AATF: variants seen among roughly 807,000 people sequenced by gnomAD.
AATF encodes the protein protein AATF.
AATF carries 48 observed loss-of-function variants against 63.7 expected under a neutral mutation model. The observed-to-expected ratio is 0.75, with a 90% CI of 0.60 to 0.96. The LOEUF is 0.96. Ranked by LOEUF, AATF falls within the 40% of genes least tolerant of loss-of-function variation. The probability of loss-of-function intolerance (pLI) is 0.00; values close to 1 mark genes in which losing one functional copy is unlikely to be tolerated. For synonymous variants in AATF, 258 were observed against 247.7 expected, an observed-to-expected ratio of 1.04 and a Z score of -0.39; for missense variants, 639 against 685.7, an observed-to-expected ratio of 0.93 and a Z score of 0.76.
intron 4 of AATF, among the ~76,000 whole-genome samples, chr17:36,966,174 T>G (rs921432949): frequency 6.6e-6 from 1 of 152,230 alleles, no homozygotes; most frequent in African/African-American, 2.4e-5. Context: ...GATTTTACCA[T>G]GTTTATGTTC....
At chr17:36,989,063 T>G (rs1469926395) in intron 6 of AATF, among the ~76,000 whole-genome samples, 184 bp from the exon 7 acceptor site, 1 of 151,788 alleles carries the variant, frequency 6.6e-6, no homozygotes, top group Non-Finnish European at 1.5e-5. Context: ...ATGACCTGCT[T>G]AAGACTAACT....
chr17:37,046,439 G>A (rs1011063920), intron 11 of AATF, among the ~76,000 whole-genome samples: 2 of 152,104 alleles, frequency 1.3e-5, no homozygotes, highest in African/African-American at 4.8e-5. Flanking sequence ...AGACTTCCGG[G>A]TAGGGCAGCT....
chr17:37,036,833 C>G (rs745725263), intron 11 of AATF, among the ~76,000 whole-genome samples: 5 of 152,048 alleles, frequency 3.3e-5, no homozygotes, highest in Non-Finnish European at 7.4e-5. Context: ...TATTGCATGC[C>G]TGATGAGCAT....
intron 8 of AATF, among the ~76,000 whole-genome samples, chr17:36,991,095 A>G (rs1187450842): frequency 6.6e-6 from 1 of 152,184 alleles, no homozygotes; most frequent in Non-Finnish European, 1.5e-5. Context: ...TTGAGTGTAA[A>G]TTAGCTGTAA....
At chr17:37,029,840 T>C (rs1242582600) in intron 10 of AATF, among the ~76,000 whole-genome samples, 2 of 152,100 alleles carry the variant, frequency 1.3e-5, no homozygotes, top group African/African-American at 2.4e-5. Context: ...GTGCTGGGAT[T>C]ACAGGTGTGA....
At chr17:36,959,723 C>T (rs1271489940) in intron 4 of AATF, among the ~76,000 whole-genome samples, 2 of 152,124 alleles carry the variant, frequency 1.3e-5, no homozygotes. Flanking sequence ...GCAGTGAGCA[C>T]CATGTTTCAT....
At chr17:36,973,273 G>A (rs2071053922) in intron 4 of AATF, among the ~76,000 whole-genome samples, 1 of 152,026 alleles carries the variant, frequency 6.6e-6, no homozygotes, top group Non-Finnish European at 1.5e-5. Context: ...TTTTTTAAAG[G>A]ATTTTAAAGG....
chr17:36,988,319 A>G (rs1180207328), intron 5 of AATF, among the ~76,000 whole-genome samples, 200 bp from the exon 6 acceptor site: 3 of 152,228 alleles, frequency 2.0e-5, no homozygotes, highest in Non-Finnish European at 4.4e-5. Flanking sequence ...GTCTCAAAAA[A>G]AAAAGTTACA....
At chr17:36,952,772 C>T in intron 2 of AATF, 114 bp from the exon 3 acceptor site, 1 of 1,470,270 alleles carries the variant, frequency 6.8e-7, no homozygotes, top group Non-Finnish European at 9.0e-7. Context: ...GAATTGAGTG[C>T]AGTAAGAGAT....
chr17:37,032,897 C>T (rs1053875462), intron 11 of AATF, among the ~76,000 whole-genome samples: 1 of 152,014 alleles, frequency 6.6e-6, no homozygotes, highest in Non-Finnish European at 1.5e-5. Flanking sequence ...GTAAATAATG[C>T]TATGAGAAGC....
At chr17:37,019,193 T>C in intron 9 of AATF, 121 bp downstream of exon 9, 1 of 792,438 alleles carries the variant, frequency 1.3e-6, no homozygotes, top group Non-Finnish European at 2.1e-6. Context: ...GTTAAGCAAG[T>C]AAGAGCTAGA....
At chr17:36,998,136 G>T (rs2071268401) in intron 8 of AATF, among the ~76,000 whole-genome samples, 1 of 152,090 alleles carries the variant, frequency 6.6e-6, no homozygotes, top group African/African-American at 2.4e-5. Context: ...CTACTGCTTG[G>T]GTGGTGGGTG....
At chr17:37,020,293 CT>C (rs942873478) in intron 9 of AATF, among the ~76,000 whole-genome samples, 11 of 146,812 alleles carry the variant, frequency 7.5e-5, no homozygotes, top group Admixed American at 1.4e-4. Context: ...TTATTGTTGA[CT>C]TTTTTTTTTA....
At chr17:36,965,090 T>C (rs2070980863) in intron 4 of AATF, among the ~76,000 whole-genome samples, 1 of 152,160 alleles carries the variant, frequency 6.6e-6, no homozygotes, top group Non-Finnish European at 1.5e-5. Flanking sequence ...AGATTGAAAA[T>C]TACTTTCCCT....
chr17:37,011,520 AG>A (rs1280340804), intron 8 of AATF, among the ~76,000 whole-genome samples: 1 of 152,206 alleles, frequency 6.6e-6, no homozygotes, highest in Non-Finnish European at 1.5e-5. Context: ...AGGAATTTCC[AG>A]GGGTAACTCT....
intron 4 of AATF, among the ~76,000 whole-genome samples, chr17:36,957,241 A>T (rs1223769546): frequency 1.3e-5 from 2 of 152,272 alleles, no homozygotes; most frequent in Non-Finnish European, 2.9e-5. Flanking sequence ...TTAACTTCAC[A>T]GTAAAATGGG....
At chr17:37,039,346 A>G (rs1300039787) in intron 11 of AATF, among the ~76,000 whole-genome samples, 3 of 152,232 alleles carry the variant, frequency 2.0e-5, no homozygotes, top group Non-Finnish European at 4.4e-5. Flanking sequence ...CCAGGCAAAT[A>G]TGCAACATTG....
intron 4 of AATF, 21 bp from the exon 5 acceptor site, chr17:36,986,596 T>C: frequency 6.3e-7 from 1 of 1,589,496 alleles, no homozygotes; most frequent in Non-Finnish European, 8.6e-7. Flanking sequence ...AATTGTCCTT[T>C]CTCTGTCCTT....
chr17:37,041,522 T>C (rs1476189442), intron 11 of AATF, among the ~76,000 whole-genome samples: 1 of 152,212 alleles, frequency 6.6e-6, no homozygotes, highest in Non-Finnish European at 1.5e-5. Context: ...TTCTTTTTTT[T>C]TGAGACGGAG....
Sources: gnomAD v4.1 joint callset for allele counts (sites outside exome capture counted in the v4.1 genomes callset) on GRCh38, gnomAD v4.1.1 for gene constraint, MANE v1.5 for transcripts, NCBI Gene and HGNC (gene_info 2026-07-23, HGNC 2026-07-21) for gene names.